LYPLAL1: variants seen among roughly 807,000 people sequenced by gnomAD.
LYPLAL1 encodes the protein lysophospholipase like 1, also known as lysophospholipase-like protein 1.
Under a neutral mutation model 19.7 loss-of-function variants are expected in LYPLAL1, and 23 were observed. The observed-to-expected ratio is 1.17, with a 90% confidence interval of 0.84 to 1.65. The LOEUF (loss-of-function observed/expected upper bound fraction) is 1.65, where lower values mean the gene tolerates loss of function less well. Ranked by LOEUF, LYPLAL1 falls within the 40% of genes most tolerant of loss-of-function variation. The pLI is 0.00. For missense variants in LYPLAL1, 355 were observed against 279.4 expected (o/e 1.27, Z -1.93); for synonymous variants, 119 against 96.3 (o/e 1.24, Z -1.38).
chr1:219,289,078 G>GTTTTTTTTTTTT, the LYPLAL1 span, among the ~76,000 whole-genome samples: 5 of 114,880 alleles, frequency 4.4e-5, no homozygotes, highest in Non-Finnish European at 5.4e-5. Context: ...CTCTTGTTTT[G>GTTTTTTTTTTTT]TTTTTTTTGT....
chr1:219,407,056 A>G, the LYPLAL1 span, among the ~76,000 whole-genome samples: 2 of 152,192 alleles, frequency 1.3e-5, no homozygotes, highest in African/African-American at 4.8e-5. Flanking sequence ...CAAAATGGCG[A>G]CTAGGCAGCT....
At chr1:219,237,009 A>G in the LYPLAL1 span, among the ~76,000 whole-genome samples, 1 of 152,010 alleles carries the variant, frequency 6.6e-6, no homozygotes, top group Non-Finnish European at 1.5e-5. Flanking sequence ...TTGTTGTAGC[A>G]CCTAAAATTG....
chr1:219,388,980 C>T, the LYPLAL1 span, among the ~76,000 whole-genome samples: 1 of 152,142 alleles, frequency 6.6e-6, no homozygotes, highest in Non-Finnish European at 1.5e-5. Context: ...TGACATTTTT[C>T]TCTTCACATA....
chr1:219,310,353 C>A, the LYPLAL1 span, among the ~76,000 whole-genome samples: 2 of 152,146 alleles, frequency 1.3e-5, no homozygotes, highest in East Asian at 3.9e-4. Flanking sequence ...TCTGAGGTCC[C>A]CATGGCTTTC....
At chr1:219,196,607 C>A (rs778963974) in intron 3 of LYPLAL1, among the ~76,000 whole-genome samples, 3 of 152,160 alleles carry the variant, frequency 2.0e-5, no homozygotes, top group Non-Finnish European at 4.4e-5. Context: ...TGCTCTCTCT[C>A]ACCACTTCTA....
At chr1:219,382,810 G>A in the LYPLAL1 span, among the ~76,000 whole-genome samples, 10 of 151,224 alleles carry the variant, frequency 6.6e-5, no homozygotes, top group Non-Finnish European at 1.3e-4. Flanking sequence ...TTGTATTTAC[G>A]CCCAGCTACA....
chr1:219,284,418 T>C, the LYPLAL1 span, among the ~76,000 whole-genome samples: 2 of 152,190 alleles, frequency 1.3e-5, no homozygotes, highest in African/African-American at 2.4e-5. Context: ...CTTGAGGTGA[T>C]GGATACCCCA....
chr1:219,253,794 A>C, the LYPLAL1 span, among the ~76,000 whole-genome samples: 1 of 151,986 alleles, frequency 6.6e-6, no homozygotes, highest in African/African-American at 2.4e-5. Flanking sequence ...TATCAGATCC[A>C]TTTGGTCCAG....
chr1:219,326,303 G>A, the LYPLAL1 span, among the ~76,000 whole-genome samples: 1 of 150,358 alleles, frequency 6.7e-6, no homozygotes, highest in Admixed American at 6.6e-5. Flanking sequence ...TTTGGTGGGT[G>A]GGGGGTTGGG....
At chr1:219,288,466 A>G in the LYPLAL1 span, among the ~76,000 whole-genome samples, 2 of 152,192 alleles carry the variant, frequency 1.3e-5, no homozygotes, top group South Asian at 4.1e-4. Flanking sequence ...CCAGGGTTTG[A>G]GGCGTGGGAT....
chr1:219,253,383 G>A, the LYPLAL1 span, among the ~76,000 whole-genome samples: 3 of 151,958 alleles, frequency 2.0e-5, no homozygotes, highest in East Asian at 5.8e-4. Context: ...TGTTAATTGA[G>A]ATCTTTCTAA....
At chr1:219,270,557 T>C in the LYPLAL1 span, among the ~76,000 whole-genome samples, 1 of 152,200 alleles carries the variant, frequency 6.6e-6, no homozygotes, top group South Asian at 2.1e-4. Context: ...TCTACACGGC[T>C]GGCGCCACAT....
At chr1:219,329,420 A>G in the LYPLAL1 span, among the ~76,000 whole-genome samples, 1 of 152,184 alleles carries the variant, frequency 6.6e-6, no homozygotes, top group Admixed American at 6.5e-5. Context: ...AATGACAATC[A>G]TGCCTTACAG....
the LYPLAL1 span, among the ~76,000 whole-genome samples, chr1:219,413,881 G>A: frequency 6.6e-6 from 1 of 152,212 alleles, no homozygotes; most frequent in East Asian, 1.9e-4. Context: ...ATACTTTCCA[G>A]AGTGTGTTCT....
the LYPLAL1 span, among the ~76,000 whole-genome samples, chr1:219,296,249 C>T: frequency 7.9e-5 from 12 of 152,162 alleles, no homozygotes; most frequent in Non-Finnish European, 1.3e-4. Flanking sequence ...CGAGCTTCTG[C>T]GTGCTGGGCC....
chr1:219,241,633 G>T, the LYPLAL1 span, among the ~76,000 whole-genome samples: 2 of 152,150 alleles, frequency 1.3e-5, no homozygotes, highest in East Asian at 3.9e-4. Flanking sequence ...ACTGAGAGCT[G>T]TCAATGGAAG....
At chr1:219,315,690 G>A in the LYPLAL1 span, among the ~76,000 whole-genome samples, 1 of 152,114 alleles carries the variant, frequency 6.6e-6, no homozygotes, top group East Asian at 1.9e-4. Flanking sequence ...CCCATCTTTA[G>A]TTCCAGGATA....
chr1:219,391,097 C>G, the LYPLAL1 span, among the ~76,000 whole-genome samples: 1 of 152,158 alleles, frequency 6.6e-6, no homozygotes, highest in Non-Finnish European at 1.5e-5. Context: ...ACCTGCAGTG[C>G]CTGGTCAAGA....
At position 219,212,628 on chromosome 1, in the gene LYPLAL1, A is replaced by G. The variant is rs1011547510; in HGVS notation, c.*900A>G. On this transcript the variant is annotated 3_prime_UTR_variant, in exon 5 of 5. Transcript: ENST00000366928. ...CTCACAACTGTTTAAGTTTTATTAA[A>G]TATACATTATCCCTATTTGTATAAA... The G allele has an allele frequency of 6.6e-6, 1 of 152,048 alleles. No homozygotes were observed. Among genetic ancestry groups the G allele is most frequent in the Admixed American group, 6.6e-5 (1 of 15,248 alleles). 9.4% of individuals were successfully genotyped at this position (152,048 alleles called of 1,614,324 possible). A position where few individuals can be genotyped will look rare whatever the true frequency, so the allele number is the denominator to read the frequency against.
Sources: gnomAD v4.1 joint callset for allele counts (sites outside exome capture counted in the v4.1 genomes callset) on GRCh38, gnomAD v4.1.1 for gene constraint, MANE v1.5 for transcripts, NCBI Gene and HGNC (gene_info 2026-07-23, HGNC 2026-07-21) for gene names.